The following DMXL1 variants were observed in gnomAD, a reference collection of about 807,000 sequenced individuals.
DMXL1 encodes Dmx like 1.
Under a neutral mutation model 319.2 loss-of-function variants are expected in DMXL1, and 99 were observed. The observed-to-expected ratio is 0.31, with a 90% CI of 0.26 to 0.37. The LOEUF is 0.37. Ranked by LOEUF, DMXL1 falls within the 10% of genes least tolerant of loss-of-function variation. DMXL1 has a pLI of 1.00. For synonymous variants in DMXL1, 1,385 were observed against 1,235.2 expected (o/e 1.12, Z -2.54); for missense variants, 3,745 against 3,595.6 (o/e 1.04, Z -1.06).
intron 7 of DMXL1, among the ~76,000 whole-genome samples, chr5:119,117,215 A>AT (rs1761038570): frequency 1.3e-5 from 2 of 151,466 alleles, no homozygotes; most frequent in South Asian, 4.2e-4. Flanking sequence ...TTCTTTTCGG[A>AT]TTTTTTGTAG....
chr5:119,198,268 C>T (rs1321599652), intron 32 of DMXL1, among the ~76,000 whole-genome samples: 4 of 152,138 alleles, frequency 2.6e-5, no homozygotes, highest in Non-Finnish European at 4.4e-5. Flanking sequence ...GGATTACAGG[C>T]GTGAGCCACC....
intron 5 of DMXL1, among the ~76,000 whole-genome samples, chr5:119,110,684 C>G (rs1466876336): frequency 6.6e-6 from 1 of 152,084 alleles, no homozygotes; most frequent in African/African-American, 2.4e-5. Flanking sequence ...GTTCTAAACT[C>G]TACTTAAAAG....
At chr5:119,164,759 T>C in intron 20 of DMXL1, 83 bp downstream of exon 20, 2 of 1,259,016 alleles carry the variant, frequency 1.6e-6, no homozygotes, top group Non-Finnish European at 2.2e-6. Context: ...TCTCTGCCAT[T>C]ACTCCCTCTT....
intron 32 of DMXL1, among the ~76,000 whole-genome samples, chr5:119,202,790 G>T (rs968341545): frequency 1.5e-4 from 23 of 149,754 alleles, no homozygotes; most frequent in Non-Finnish European, 3.4e-4. Context: ...GGTGGAGGTT[G>T]CAGTGAGCCA....
chr5:119,218,451 C>CTTTAT (rs1056155942), intron 35 of DMXL1, among the ~76,000 whole-genome samples: 258 of 151,262 alleles, frequency 1.7e-3, no homozygotes, highest in African/African-American at 5.9e-3. Context: ...TTTTATTTTA[C>CTTTAT]TTTATTTTAT....
intron 19 of DMXL1, among the ~76,000 whole-genome samples, chr5:119,157,961 C>G (rs1199596164): frequency 6.6e-6 from 1 of 152,134 alleles, no homozygotes; most frequent in Admixed American, 6.6e-5. Flanking sequence ...TTTTTCCAAT[C>G]TGTGAACACT....
At chr5:119,144,824 A>C (rs1434611461) in intron 15 of DMXL1, among the ~76,000 whole-genome samples, 186 bp downstream of exon 15, 1 of 151,792 alleles carries the variant, frequency 6.6e-6, no homozygotes, top group African/African-American at 2.4e-5. Context: ...AATACGAACA[A>C]AATTAAAGGG....
intron 1 of DMXL1, among the ~76,000 whole-genome samples, chr5:119,097,359 A>G (rs144219210): frequency 1.5e-3 from 223 of 152,334 alleles, no homozygotes; most frequent in African/African-American, 4.7e-3. Context: ...GAAGTTTGCT[A>G]TTAGTAGAAT....
chr5:119,099,385 A>G (rs949674232), intron 2 of DMXL1, among the ~76,000 whole-genome samples: 12 of 151,786 alleles, frequency 7.9e-5, no homozygotes, highest in Admixed American at 6.6e-5. Context: ...TAATTTTTGT[A>G]TTTTTAGTAG....
intron 25 of DMXL1, 70 bp downstream of exon 25, chr5:119,172,039 CT>C (rs745395321): frequency 3.2e-5 from 44 of 1,369,682 alleles, no homozygotes; most frequent in South Asian, 6.2e-5. Context: ...AATATTAAGG[CT>C]TTTTTTTAAG....
chr5:119,216,963 C>G lies in DMXL1; in HGVS notation c.7989C>G (p.Ile2663Met), dbSNP rs372483214. The change falls in exon 35 of 44, where the codon ATC (isoleucine) becomes ATG (methionine). Residue 2663 changes from isoleucine to methionine, a missense_variant. Ile to Met is a conservative substitution (Grantham distance 10). Transcript: ENST00000539542. ...GAATTATTCATAAGGAATCTGATATCATTACTGCGTTTGCTGTTAATAAGG... is the reference window on the plus strand; with the variant it reads ...GAATTATTCATAAGGAATCTGATATGATTACTGCGTTTGCTGTTAATAAGG... ...KARIIHKESDIITAFAVNKAN... is the reference protein window; with the variant it reads ...KARIIHKESDMITAFAVNKAN... 10 of 1,594,292 alleles carry G rather than the reference C, an allele frequency of 6.3e-6. No individual in the cohort carries two copies. In the African/African-American group the frequency reaches 1.3e-4, roughly 21 times the overall value.
intron 1 of DMXL1, among the ~76,000 whole-genome samples, chr5:119,077,696 A>ATGTG (rs1561527336): frequency 8.8e-6 from 1 of 113,454 alleles, no homozygotes; most frequent in African/African-American, 3.8e-5. Flanking sequence ...GTGTGTGTGT[A>ATGTG]TGTGTATATA....
chr5:119,210,522 T>C (rs996588693), intron 34 of DMXL1, among the ~76,000 whole-genome samples: 4 of 152,164 alleles, frequency 2.6e-5, no homozygotes, highest in Non-Finnish European at 5.9e-5. Flanking sequence ...TGTTACAGCA[T>C]TATTTCTTGA....
intron 32 of DMXL1, among the ~76,000 whole-genome samples, chr5:119,202,300 A>G (rs985813844): frequency 2.0e-5 from 3 of 152,176 alleles, no homozygotes; most frequent in Non-Finnish European, 4.4e-5. Flanking sequence ...GCCCTAGGTT[A>G]GGGATCAACA....
intron 1 of DMXL1, among the ~76,000 whole-genome samples, chr5:119,085,158 G>A (rs182645455): frequency 2.0e-5 from 3 of 151,576 alleles, no homozygotes; most frequent in Non-Finnish European, 2.9e-5. Flanking sequence ...GTGAAACCCC[G>A]TCTCTATTAA....
At chr5:119,137,507 T>C (rs1580947525) in intron 13 of DMXL1, among the ~76,000 whole-genome samples, 1 of 152,116 alleles carries the variant, frequency 6.6e-6, no homozygotes, top group Non-Finnish European at 1.5e-5. Flanking sequence ...ATTGATATGG[T>C]TTATTGCTGT....
intron 1 of DMXL1, among the ~76,000 whole-genome samples, chr5:119,088,798 G>T (rs545775334): frequency 1.3e-5 from 2 of 152,166 alleles, no homozygotes; most frequent in South Asian, 4.1e-4. Context: ...TTGGCTTTCA[G>T]TTGTCTTAAT....
intron 25 of DMXL1, among the ~76,000 whole-genome samples, chr5:119,173,776 G>GTGTGTGTGTGTGTATATATATATA: frequency 2.4e-4 from 16 of 67,168 alleles, no homozygotes; most frequent in African/African-American, 7.8e-4. Flanking sequence ...ATGTGTGTGT[G>GTGTGTGTGTGTGTATATATATATA]TATATATATA....
chr5:119,170,547 C>G lies in DMXL1; in HGVS notation c.5756C>G (p.Ser1919Cys), dbSNP rs1472264481. The G allele has an allele frequency of 6.2e-7, 1 of 1,613,814 alleles. No homozygotes were observed. Among genetic ancestry groups the G allele is most frequent in the South Asian group, 1.1e-5 (1 of 91,046 alleles). ...PLKLDAREDK[S>C]SAVDWSQSLI... The stretch of plus-strand genomic sequence containing the variant: ...AAGTTGGATGCAAGGGAAGATAAGT[C>G]TTCTGCTGTTGATTGGTCACAGTCA... Residue 1919 changes from serine to cysteine, a missense_variant, in exon 24 of 44, where the codon TCT (serine) becomes TGT (cysteine). This residue lies in a region of DMXL1 where 1,382 missense variants were observed against 1,269.5 expected (regional missense o/e 1.09). Coordinates refer to ENST00000539542, the MANE Select transcript of DMXL1 (RefSeq NM_001290321.3).
Sources: allele counts gnomAD v4.1 joint callset (sites outside exome capture counted in the v4.1 genomes callset), GRCh38; gene constraint gnomAD v4.1.1; regional missense constraint gnomAD v4.1.1; transcripts MANE v1.5; gene names NCBI Gene and HGNC (gene_info 2026-07-23, HGNC 2026-07-21).